ALCAM: variants seen among roughly 807,000 people sequenced by gnomAD.
The protein encoded by ALCAM is CD166 antigen.
ALCAM carries 30 observed loss-of-function variants against 70.9 expected under a neutral mutation model. The ratio of observed to expected loss-of-function variants is 0.42; its 90% CI spans 0.32 to 0.57. The LOEUF (loss-of-function observed/expected upper bound fraction) is 0.57. Among genes scored for constraint, ALCAM ranks in the 20% least tolerant of loss-of-function variants. The pLI is 0.11. For missense variants in ALCAM, 591 were observed against 695.1 expected, an observed-to-expected ratio of 0.85 and a Z score of 1.68; for synonymous variants, 249 against 242.5, an observed-to-expected ratio of 1.03 and a Z score of -0.25.
In ALCAM at chr3:105,443,910, A is replaced by AG. The variant is rs1460505742; in HGVS notation, c.74-76157_74-76156insG. Among the ~76,000 whole-genome samples the AG allele has an allele frequency of 3.9e-5, 6 of 152,252 alleles. No individual in the cohort carries two copies. In the East Asian group the frequency reaches 1.2e-3, roughly 29 times the overall value. Reference sequence around the variant, plus strand: ...GGACTGCTGTCACAATGCCAAAAAAACATAGACTGAAGTTTTAATAATGTT... The same window carrying AG: ...GGACTGCTGTCACAATGCCAAAAAAAGCATAGACTGAAGTTTTAATAATGTT... On this transcript the variant is annotated intron_variant, in intron 1 of 15. Coordinates refer to ENST00000306107, the MANE Select transcript of ALCAM (RefSeq NM_001627.4).
At chr3:105,465,035 T>C (rs145309182) in intron 1 of ALCAM, among the ~76,000 whole-genome samples, 3 of 151,546 alleles carry the variant, frequency 2.0e-5, no homozygotes, top group African/African-American at 7.2e-5. Context: ...AATAATATGG[T>C]ATATACTTAG....
At chr3:105,563,307 T>G (rs544677945) in intron 14 of ALCAM, among the ~76,000 whole-genome samples, 1 of 152,114 alleles carries the variant, frequency 6.6e-6, no homozygotes, top group East Asian at 1.9e-4. Flanking sequence ...TTATTTTTTC[T>G]TTTATCTTTC....
intron 9 of ALCAM, 108 bp from the exon 10 acceptor site, chr3:105,547,041 C>T (rs891034098): frequency 2.1e-6 from 2 of 934,214 alleles, no homozygotes; most frequent in Non-Finnish European, 3.0e-6. Flanking sequence ...AAGAAGTTTG[C>T]ATTTATATTA....
chr3:105,533,389 C>T (rs1244188932), intron 4 of ALCAM, among the ~76,000 whole-genome samples: 7 of 152,006 alleles, frequency 4.6e-5, no homozygotes, highest in South Asian at 2.1e-4. Context: ...ATTTAAAAAT[C>T]GTCAAAAGTA....
intron 1 of ALCAM, among the ~76,000 whole-genome samples, chr3:105,458,400 C>T (rs1937562233): frequency 6.6e-6 from 1 of 152,060 alleles, no homozygotes; most frequent in Non-Finnish European, 1.5e-5. Context: ...TGTACCTGGG[C>T]CAAAGGAGAT....
intron 1 of ALCAM, among the ~76,000 whole-genome samples, chr3:105,474,604 AGAG>A (rs2152604690): frequency 7.0e-6 from 1 of 143,112 alleles, no homozygotes; most frequent in African/African-American, 2.7e-5. Flanking sequence ...CGAAAAAAAA[AGAG>A]AGAGAGAGAG....
chr3:105,450,028 CTT>C lies in ALCAM; in HGVS notation c.74-70037_74-70036del, dbSNP rs561288315. ...ACAATAGATACACATTCATATGTGT[CTT>C]TGAATCAAAAAGTGTGCTGTATGTT... On this transcript the variant is annotated intron_variant, in intron 1 of 15. Coordinates refer to ENST00000306107, the MANE Select transcript of ALCAM (RefSeq NM_001627.4). Among the ~76,000 whole-genome samples the C allele has an allele frequency of 2.5e-3, 388 of 152,250 alleles. 1 individual carries two copies. Among genetic ancestry groups the C allele is most frequent in the African/African-American group, 8.8e-3 (364 of 41,540 alleles).
chr3:105,467,314 A>C (rs573613634), intron 1 of ALCAM, among the ~76,000 whole-genome samples: 2 of 151,238 alleles, frequency 1.3e-5, no homozygotes, highest in Non-Finnish European at 3.0e-5. Flanking sequence ...TACAAATTAA[A>C]TAGTTATTTC....
intron 1 of ALCAM, among the ~76,000 whole-genome samples, chr3:105,500,279 C>T (rs532056270): frequency 3.0e-4 from 45 of 152,148 alleles, no homozygotes; most frequent in Non-Finnish European, 5.6e-4. Flanking sequence ...CTTCTTCCTT[C>T]CTCTTTTCTC....
At chr3:105,474,551 C>T (rs543831892) in intron 1 of ALCAM, among the ~76,000 whole-genome samples, 2 of 151,192 alleles carry the variant, frequency 1.3e-5, no homozygotes, top group South Asian at 4.2e-4. Context: ...AAAGCTCTGC[C>T]TTTACTGACA....
chr3:105,545,264 C>T lies in ALCAM; in HGVS notation c.1033C>T (p.Gln345Ter). 6.2e-7 allele frequency: 1 copy of T among 1,609,306 alleles called. No homozygotes were observed. The highest frequency in any genetic ancestry group is 8.5e-7 in the Non-Finnish European group (1 of 1,176,476). ...AAACCCAAGTGGAGAAGTGACTAGA[C>T]AGATTGGTGATGCCCTACCCGTGTC... ...SLNPSGEVTR[Q>*]IGDALPVSCT... The change falls in exon 9 of 16, where the codon CAG becomes TAG. Residue 345 changes from glutamine to a stop codon, truncating the protein, a stop_gained. Transcript: ENST00000306107. LOFTEE classifies it high-confidence loss of function.
At chr3:105,369,682 TGCC>T (rs1935176613) in intron 1 of ALCAM, among the ~76,000 whole-genome samples, 2 of 152,314 alleles carry the variant, frequency 1.3e-5, no homozygotes, top group South Asian at 4.1e-4. Context: ...CTGCCTTCCC[TGCC>T]GGCCACTCTT....
intron 12 of ALCAM, 45 bp from the exon 13 acceptor site, chr3:105,552,099 C>G: frequency 1.4e-6 from 2 of 1,455,324 alleles, no homozygotes; most frequent in Non-Finnish European, 1.9e-6. Context: ...TTTCATATAT[C>G]AACAAATTTT....
Position 105,533,670 on chromosome 3 carries a change from T to A in ALCAM, c.527T>A (p.Val176Glu), listed in dbSNP as rs2152627253. 6.2e-7 allele frequency: 1 copy of A among 1,611,656 alleles called. No homozygotes were observed. The highest frequency in any genetic ancestry group is 1.1e-5 in the South Asian group (1 of 90,994). Residue 176 changes from valine to glutamate, a missense_variant, in exon 5 of 16, where the codon GTG becomes GAG. Val to Glu is a moderately radical substitution (Grantham distance 121). This residue lies in a region of ALCAM where 427 missense variants were observed against 450.4 expected (regional missense o/e 0.95). Transcript: ENST00000306107. ...ATCACATGGTACAGGAATGGAAAAG[T>A]GCTACATCCCCTTGAAGGAGGTGGG... ...GNITWYRNGK[V>E]LHPLEGAVVI...
At chr3:105,439,585 A>G (rs1336972061) in intron 1 of ALCAM, 1 of 152,212 alleles carries the variant, frequency 6.6e-6, no homozygotes, top group East Asian at 1.9e-4. Context: ...ACCTTATATT[A>G]TGGGAATTGG....
intron 13 of ALCAM, 82 bp from the exon 14 acceptor site, chr3:105,552,386 A>T: frequency 1.4e-6 from 2 of 1,442,516 alleles, no homozygotes; most frequent in Non-Finnish European, 1.9e-6. Flanking sequence ...AGTCATTTTT[A>T]ATACAAAGTA....
At chr3:105,465,594 A>G (rs1450168072) in intron 1 of ALCAM, among the ~76,000 whole-genome samples, 2 of 151,428 alleles carry the variant, frequency 1.3e-5, no homozygotes, top group African/African-American at 2.4e-5. Context: ...TCTCTAGCTC[A>G]TACTTCAGTT....
intron 8 of ALCAM, among the ~76,000 whole-genome samples, chr3:105,542,756 T>C (rs185446422): frequency 8.6e-5 from 13 of 151,690 alleles, no homozygotes; most frequent in African/African-American, 3.1e-4. Context: ...GGGAGGTACA[T>C]TGGGGAATAA....
In ALCAM at chr3:105,541,721, TAGAC is replaced by T; in HGVS notation, c.949_952del (p.Asp317LysfsTer4). 6.2e-7 allele frequency: 1 copy of T among 1,612,276 alleles called. No individual in the cohort carries two copies. Among genetic ancestry groups the T allele is most frequent in the Non-Finnish European group, 8.5e-7 (1 of 1,178,822 alleles). The stretch of plus-strand genomic sequence containing the variant: ...ACAGGAGACTACAAGTGTTCCCTGA[TAGAC>T]AAAAAAAGCATGATTGCTTCAACAG... On this transcript the variant is annotated frameshift_variant, in exon 8 of 16. Transcript: ENST00000306107. LOFTEE classifies it high-confidence loss of function.
Sources: allele counts gnomAD v4.1 joint callset (sites outside exome capture counted in the v4.1 genomes callset), GRCh38; gene constraint gnomAD v4.1.1; regional missense constraint gnomAD v4.1.1; transcripts MANE v1.5; gene names NCBI Gene and HGNC (gene_info 2026-07-23, HGNC 2026-07-21).